The following PHLDB2 variants were observed in gnomAD, a reference collection of about 807,000 sequenced individuals.
PHLDB2 encodes the protein pleckstrin homology-like domain family B member 2.
A neutral mutation model predicts 123.6 loss-of-function variants in PHLDB2; 71 were observed. The observed-to-expected ratio is 0.57, with a 90% CI of 0.47 to 0.70. The LOEUF (loss-of-function observed/expected upper bound fraction) is 0.70. Ranked by LOEUF, PHLDB2 falls within the 30% of genes least tolerant of loss-of-function variation. The pLI is 0.00. For missense variants in PHLDB2, 1,446 were observed against 1,519.5 expected, an observed-to-expected ratio of 0.95 and a Z score of 0.80; for synonymous variants, 547 against 541.6, an observed-to-expected ratio of 1.01 and a Z score of -0.14.
At chr3:111,738,053 C>T (rs953633900) in intron 1 of PHLDB2, among the ~76,000 whole-genome samples, 5 of 152,256 alleles carry the variant, frequency 3.3e-5, no homozygotes, top group East Asian at 1.9e-4. Flanking sequence ...AATACCCCTA[C>T]GAATTCCAAG....
chr3:111,749,252 T>C (rs4284954), intron 1 of PHLDB2, among the ~76,000 whole-genome samples: 75,977 of 151,944 alleles, frequency 0.5, 19,595 homozygotes, highest in African/African-American at 0.62. Flanking sequence ...TCTTAAACTA[T>C]GATAGCACAG....
At chr3:111,973,501 AG>A (rs1223925955) in intron 16 of PHLDB2, among the ~76,000 whole-genome samples, 1 of 152,176 alleles carries the variant, frequency 6.6e-6, no homozygotes, top group African/African-American at 2.4e-5. Context: ...GGAGAGCCTT[AG>A]GCAAAGTCAT....
chr3:111,829,403 T>A (rs1431732668), intron 1 of PHLDB2, among the ~76,000 whole-genome samples: 1 of 73,480 alleles, frequency 1.4e-5, no homozygotes, highest in Non-Finnish European at 2.8e-5. Context: ...TATTCTTTTG[T>A]TTAAAAAAAA....
chr3:111,784,635 G>A (rs1300221229), intron 1 of PHLDB2, among the ~76,000 whole-genome samples: 1 of 152,150 alleles, frequency 6.6e-6, no homozygotes, highest in Non-Finnish European at 1.5e-5. Flanking sequence ...TATTCTGAGT[G>A]ATGAAACTAG....
intron 1 of PHLDB2, among the ~76,000 whole-genome samples, chr3:111,758,193 C>T (rs1304768603): frequency 6.6e-6 from 1 of 152,038 alleles, no homozygotes; most frequent in Non-Finnish European, 1.5e-5. Flanking sequence ...TTTGTCTGTG[C>T]CCTGCCCCTA....
At chr3:111,732,939 T>C (rs189549208) in intron 1 of PHLDB2, among the ~76,000 whole-genome samples, 15 of 152,332 alleles carry the variant, frequency 9.8e-5, no homozygotes, top group Middle Eastern at 3.4e-3. Flanking sequence ...TTCAGAAACT[T>C]GGAAGGTTTT....
intron 1 of PHLDB2, among the ~76,000 whole-genome samples, chr3:111,822,733 C>T (rs2062462185): frequency 6.6e-6 from 1 of 152,198 alleles, no homozygotes; most frequent in Non-Finnish European, 1.5e-5. Flanking sequence ...TTATTCCAAT[C>T]TTACCTCCTT....
At position 111,872,094 on chromosome 3, in the gene PHLDB2, A is replaced by T. The variant is rs2065367760; in HGVS notation, c.-14-11970A>T. Among the ~76,000 whole-genome samples, 3 of 152,218 alleles carry T rather than the reference A, an allele frequency of 2.0e-5. No individual in the cohort carries two copies. The South Asian group carries it at 6.2e-4, about 31-fold the overall frequency. ...AAAGTAAATGCAAACATTTCAACGT[A>T]CATTAACTTCTTTCCTGTTTAGACT... is the stretch of plus-strand genomic sequence containing the variant. On this transcript the variant is annotated intron_variant, in intron 1 of 17. Transcript: ENST00000431670.
At chr3:111,834,578 A>G (rs1366931133) in intron 1 of PHLDB2, among the ~76,000 whole-genome samples, 1 of 151,780 alleles carries the variant, frequency 6.6e-6, no homozygotes, top group East Asian at 1.9e-4. Flanking sequence ...ATCACAAACA[A>G]GGATGCAGTA....
intron 12 of PHLDB2, chr3:111,958,440 C>T: frequency 2.2e-6 from 1 of 448,370 alleles, no homozygotes; most frequent in Non-Finnish European, 3.2e-6. Flanking sequence ...AATGTATTGG[C>T]AGGACTCTAC....
chr3:111,869,245 T>C (rs549892437), intron 1 of PHLDB2, among the ~76,000 whole-genome samples: 2 of 152,242 alleles, frequency 1.3e-5, no homozygotes, highest in East Asian at 1.9e-4. Flanking sequence ...TTACACTCTT[T>C]TATTGTGACA....
At chr3:111,917,002 G>A (rs983166234) in intron 3 of PHLDB2, 2 of 152,130 alleles carry the variant, frequency 1.3e-5, no homozygotes, top group Non-Finnish European at 2.9e-5. Flanking sequence ...AATGTTCTCT[G>A]TCACTGTAAA....
At chr3:111,942,539 GT>G (rs2069973257) in intron 8 of PHLDB2, among the ~76,000 whole-genome samples, 1 of 152,104 alleles carries the variant, frequency 6.6e-6, no homozygotes, top group Non-Finnish European at 1.5e-5. Flanking sequence ...CCGCCTTCTT[GT>G]TTTCTCTCTC....
At chr3:111,877,524 C>T (rs2065694591) in intron 1 of PHLDB2, among the ~76,000 whole-genome samples, 1 of 152,198 alleles carries the variant, frequency 6.6e-6, no homozygotes, top group South Asian at 2.1e-4. Flanking sequence ...GTTGCCCGCT[C>T]ACTCTGATAA....
At chr3:111,829,709 G>A (rs573703014) in intron 1 of PHLDB2, among the ~76,000 whole-genome samples, 5 of 151,972 alleles carry the variant, frequency 3.3e-5, no homozygotes, top group South Asian at 2.1e-4. Context: ...TGATCCGCCC[G>A]CCTTGGCCTC....
intron 2 of PHLDB2, among the ~76,000 whole-genome samples, chr3:111,901,651 G>C (rs966842438): frequency 1.3e-5 from 2 of 152,234 alleles, no homozygotes; most frequent in East Asian, 3.9e-4. Context: ...TAGTCTTTCA[G>C]AAGAAGCAAA....
chr3:111,845,178 C>T lies in PHLDB2; in HGVS notation c.-48-643C>T, dbSNP rs918862282. ...GACCAGCCTGGCCAATATGGTGAAA[C>T]CCCGTCTCTACTAAAAATACAAAAA... On this transcript the variant is annotated intron_variant, in intron 1 of 17. Transcript: ENST00000393923. Among the ~76,000 whole-genome samples the T allele has an allele frequency of 2.0e-5, 3 of 151,790 alleles. No homozygotes were observed. The South Asian group carries it at 6.3e-4, about 32-fold the overall frequency.
chr3:111,870,651 T>G (rs2065291975), intron 1 of PHLDB2, among the ~76,000 whole-genome samples: 1 of 152,048 alleles, frequency 6.6e-6, no homozygotes, highest in South Asian at 2.1e-4. Flanking sequence ...CCTTCAATCC[T>G]CTGAAAGCTT....
At chr3:111,924,117 C>G (rs905135087) in intron 5 of PHLDB2, among the ~76,000 whole-genome samples, 1 of 152,182 alleles carries the variant, frequency 6.6e-6, no homozygotes. Flanking sequence ...CTGTTTTCCC[C>G]TACCTGGAAT....
Sources: allele counts gnomAD v4.1 joint callset (sites outside exome capture counted in the v4.1 genomes callset), GRCh38; gene constraint gnomAD v4.1.1; transcripts MANE v1.5; gene names NCBI Gene and HGNC (gene_info 2026-07-23, HGNC 2026-07-21).